Variants in MOXD1 observed in about 807,000 individuals in gnomAD.
The protein encoded by MOXD1 is DBH-like monooxygenase protein 1.
In MOXD1, 62 loss-of-function variants were observed where a neutral mutation model predicts 66.6. The observed-to-expected ratio is 0.93, with a 90% confidence interval of 0.76 to 1.15. The LOEUF (loss-of-function observed/expected upper bound fraction) is 1.15, where lower values mean the gene tolerates loss of function less well. Ranked by LOEUF, MOXD1 falls within the 50% of genes most tolerant of loss-of-function variation. The pLI, the probability that MOXD1 is intolerant of heterozygous loss-of-function variation, is 0.00. For missense variants in MOXD1, 847 were observed against 754.6 expected, an observed-to-expected ratio of 1.12 and a Z score of -1.44; for synonymous variants, 303 against 281.9, an observed-to-expected ratio of 1.07 and a Z score of -0.75.
chr6:132,387,728 T>C (rs1388745023), intron 1 of MOXD1, among the ~76,000 whole-genome samples: 1 of 125,742 alleles, frequency 8.0e-6, no homozygotes, highest in Non-Finnish European at 1.6e-5. Context: ...CACTCCAGTC[T>C]GGCAAAAAAG....
chr6:132,314,404 C>T (rs1562279321), intron 10 of MOXD1, among the ~76,000 whole-genome samples: 1 of 152,208 alleles, frequency 6.6e-6, no homozygotes, highest in Admixed American at 6.5e-5. Flanking sequence ...GAGTCCTTTC[C>T]CAGTATAGTA....
chr6:132,349,396 CA>C (rs1183828639), intron 4 of MOXD1, among the ~76,000 whole-genome samples: 1 of 41,356 alleles, frequency 2.4e-5, no homozygotes, highest in Non-Finnish European at 4.6e-5. Context: ...TATATATACA[CA>C]TATATATACA....
intron 1 of MOXD1, among the ~76,000 whole-genome samples, chr6:132,393,879 T>G (rs1026515213): frequency 5.3e-5 from 8 of 152,154 alleles, no homozygotes; most frequent in Admixed American, 5.2e-4. Flanking sequence ...TCATGTGCCA[T>G]CTGCAGGACT....
chr6:132,299,640 T>C (rs1260118601), intron 10 of MOXD1, among the ~76,000 whole-genome samples: 1 of 152,132 alleles, frequency 6.6e-6, no homozygotes, highest in Non-Finnish European at 1.5e-5. Context: ...TTTCAGGTGT[T>C]GTCTTTCATT....
intron 4 of MOXD1, among the ~76,000 whole-genome samples, chr6:132,369,565 C>T (rs1314097172): frequency 6.6e-6 from 1 of 151,916 alleles, no homozygotes; most frequent in African/African-American, 2.4e-5. Flanking sequence ...TGCTAGCTAG[C>T]ATCATTACTC....
At position 132,347,371 on chromosome 6, in the gene MOXD1, A is replaced by G. The variant is rs542357202; in HGVS notation, c.664-18777T>C. ...AAATAATTTTGTACTTTAATTTTGT[A>G]GGACTGTTTCAAAATGTCATTTGGG... is the stretch of plus-strand genomic sequence containing the variant. On this transcript the variant is annotated intron_variant, in intron 4 of 11. Coordinates refer to ENST00000367963, the MANE Select transcript of MOXD1 (RefSeq NM_015529.4). Among the ~76,000 whole-genome samples the G allele has an allele frequency of 1.2e-4, 18 of 152,308 alleles. No homozygotes were observed. The South Asian group carries it at 3.5e-3, about 30-fold the overall frequency.
At chr6:132,351,323 C>T (rs1039371313) in intron 4 of MOXD1, among the ~76,000 whole-genome samples, 8 of 151,940 alleles carry the variant, frequency 5.3e-5, no homozygotes, top group Admixed American at 1.3e-4. Flanking sequence ...CCTTGTATGC[C>T]GACTTTGCTA....
chr6:132,319,775 C>G (rs1049439887), intron 9 of MOXD1, among the ~76,000 whole-genome samples: 18 of 151,662 alleles, frequency 1.2e-4, no homozygotes, highest in African/African-American at 4.3e-4. Context: ...TTTGCTATAG[C>G]TTTTTCATAG....
intron 4 of MOXD1, among the ~76,000 whole-genome samples, chr6:132,329,189 C>T (rs947486377): frequency 3.9e-5 from 6 of 152,100 alleles, no homozygotes; most frequent in Non-Finnish European, 8.8e-5. Context: ...TGTTCAATTC[C>T]CACCTATGAG....
intron 10 of MOXD1, among the ~76,000 whole-genome samples, chr6:132,310,357 G>A (rs1052415640): frequency 7.9e-5 from 12 of 152,174 alleles, no homozygotes; most frequent in African/African-American, 1.7e-4. Context: ...AGATGCTGGC[G>A]AGTCTGTGGA....
chr6:132,399,413 T>TATGAGAA (rs1396599696), intron 1 of MOXD1, among the ~76,000 whole-genome samples: 1 of 152,258 alleles, frequency 6.6e-6, no homozygotes, highest in Non-Finnish European at 1.5e-5. Context: ...GTGTATTCAC[T>TATGAGAA]AATTACTTTA....
chr6:132,362,859 A>G (rs887548098), intron 4 of MOXD1, among the ~76,000 whole-genome samples: 3 of 152,190 alleles, frequency 2.0e-5, no homozygotes, highest in African/African-American at 7.2e-5. Context: ...ATTTAACATG[A>G]AGCCTTTTTG....
At chr6:132,374,935 TG>T in intron 1 of MOXD1, 158 bp from the exon 2 acceptor site, 1 of 689,420 alleles carries the variant, frequency 1.5e-6, no homozygotes, top group Non-Finnish European at 2.4e-6. Context: ...ATCAGGTCCC[TG>T]GGAAACTAGT....
chr6:132,305,106 C>A (rs1286780305), intron 10 of MOXD1, among the ~76,000 whole-genome samples: 2 of 152,204 alleles, frequency 1.3e-5, no homozygotes, highest in African/African-American at 2.4e-5. Flanking sequence ...AACTGCCTAA[C>A]GTACTAAGCT....
intron 1 of MOXD1, among the ~76,000 whole-genome samples, chr6:132,380,991 C>A (rs1776497233): frequency 6.6e-6 from 1 of 152,042 alleles, no homozygotes; most frequent in Non-Finnish European, 1.5e-5. Context: ...TATTTTAAAT[C>A]CTTTTACACA....
Position 132,401,149 on chromosome 6 carries a change from G to A in MOXD1, c.264+14C>T. Reference sequence around the variant, plus strand: ...GGGCTCGGCCGGGCGGGCTCCGGGAGGAGACGCGCTTACCTGGAGGTAGGG... The same window carrying A: ...GGGCTCGGCCGGGCGGGCTCCGGGAAGAGACGCGCTTACCTGGAGGTAGGG... On this transcript the variant is annotated intron_variant, in intron 1 of 11. Transcript: ENST00000367963. 4.0e-6 allele frequency: 6 copies of A among 1,492,828 alleles called. No homozygotes were observed. The highest frequency in any genetic ancestry group is 5.3e-6 in the Non-Finnish European group (6 of 1,125,722). 92.5% of individuals were successfully genotyped at this position (1,492,828 alleles called of 1,614,324 possible).
In MOXD1 at chr6:132,401,434, C is replaced by G; in HGVS notation, c.-8G>C. The G allele has an allele frequency of 6.8e-7, 1 of 1,462,650 alleles. No homozygotes were observed. Among genetic ancestry groups the G allele is most frequent in the South Asian group, 1.4e-5 (1 of 71,232 alleles). 90.6% of individuals were successfully genotyped at this position (1,462,650 alleles called of 1,614,324 possible). A position where few individuals can be genotyped will look rare whatever the true frequency, so the allele number is the denominator to read the frequency against. On this transcript the variant is annotated 5_prime_UTR_variant, in exon 1 of 12. Transcript: ENST00000367963. ...CAGCGGCCAGCAGCACATCCTCGGG[C>G]GCCTCCTGCCCGCCGGTACCGGCCT...
chr6:132,369,434 A>G (rs1776220003), intron 4 of MOXD1, among the ~76,000 whole-genome samples: 1 of 152,048 alleles, frequency 6.6e-6, no homozygotes, highest in South Asian at 2.1e-4. Context: ...AATTTCACAG[A>G]GAGAAGATTC....
chr6:132,296,617 A>C lies in MOXD1; in HGVS notation c.*536T>G, dbSNP rs1009204321. ...GAGTGGGCATCAACAAAAAGCATTG[A>C]GGTAAGGGGCCCAGTGGTAATTCAC... On this transcript the variant is annotated 3_prime_UTR_variant, in exon 12 of 12. Coordinates refer to ENST00000367963, the MANE Select transcript of MOXD1 (RefSeq NM_015529.4). 1.3e-5 allele frequency: 2 copies of C among 152,318 alleles called. No homozygotes were observed. The highest frequency in any genetic ancestry group is 2.9e-5 in the Non-Finnish European group (2 of 68,170). The allele number at this position is 152,318 out of a possible 1,614,324, so 9.4% of individuals were successfully genotyped here.
Sources: gnomAD v4.1 joint callset for allele counts (sites outside exome capture counted in the v4.1 genomes callset) on GRCh38, gnomAD v4.1.1 for gene constraint, MANE v1.5 for transcripts, NCBI Gene and HGNC (gene_info 2026-07-23, HGNC 2026-07-21) for gene names.